The following IKZF5 variants were observed in gnomAD, a reference collection of about 807,000 sequenced individuals.
The protein encoded by IKZF5 is zinc finger protein Pegasus.
Under a neutral mutation model 30.7 loss-of-function variants are expected in IKZF5, and 4 were observed. The observed-to-expected ratio is 0.13, with a 90% CI of 0.06 to 0.30. IKZF5 has a LOEUF of 0.30. Ranked by LOEUF, IKZF5 falls within the 10% of genes least tolerant of loss-of-function variation. The pLI, the probability that IKZF5 is intolerant of heterozygous loss-of-function variation, is 1.00. For synonymous variants in IKZF5, 148 were observed against 179.6 expected (o/e 0.82, Z 1.41); for missense variants, 348 against 525.5 (o/e 0.66, Z 3.30).
intron 1 of IKZF5, among the ~76,000 whole-genome samples, chr10:123,007,950 GACC>G (rs1173366777): frequency 6.6e-6 from 1 of 152,042 alleles, no homozygotes; most frequent in Non-Finnish European, 1.5e-5. Context: ...TTCGGGTTCT[GACC>G]AGCACATCAA....
rs1206431511 is a variant in IKZF5 at position 122,994,897 on chromosome 10, AT to A, written c.317-175del. On this transcript the variant is annotated intron_variant, in intron 4 of 4. Transcript: ENST00000368886. This position sits in a 1 kb window ranked among gnomAD's most constrained non-coding sequence, Gnocchi z 5.6. ...TTTGTAAATAAACCCACAAATTGAA[AT>A]AAAGCTTAAGAACTCATCAGCAACA... The A allele has an allele frequency of 1.2e-5, 7 of 601,866 alleles. No homozygotes were observed. The highest frequency in any genetic ancestry group is 2.0e-5 in the Non-Finnish European group (7 of 347,848). 37.3% of individuals were successfully genotyped at this position (601,866 alleles called of 1,614,324 possible). A position where few individuals can be genotyped will look rare whatever the true frequency, so the allele number is the denominator to read the frequency against.
intron 2 of IKZF5, among the ~76,000 whole-genome samples, chr10:122,999,230 C>T (rs1472694829): frequency 2.0e-5 from 3 of 152,166 alleles, no homozygotes; most frequent in Non-Finnish European, 4.4e-5. Context: ...GCTATTCCTA[C>T]GCAGTTGCTA....
chr10:122,996,267 T>TTA, intron 3 of IKZF5, 91 bp from the exon 4 acceptor site: 3 of 1,104,238 alleles, frequency 2.7e-6, no homozygotes, highest in Non-Finnish European at 3.9e-6. Flanking sequence ...ATCTTATAAA[T>TTA]TGACAGTTCA....
chr10:122,998,389 G>T (rs1278804293), intron 3 of IKZF5, 104 bp downstream of exon 3: 8 of 973,602 alleles, frequency 8.2e-6, no homozygotes, highest in Non-Finnish European at 8.9e-6. Flanking sequence ...AGAAAAAACA[G>T]AATGATTCAC....
In IKZF5 at chr10:122,998,593, G is replaced by A. The variant is rs199959505; in HGVS notation, c.33C>T (p.Phe11=). The change falls in exon 3 of 5, where the codon TTC becomes TTT. Residue 11 remains phenylalanine, a synonymous_variant. Coordinates refer to ENST00000368886, the MANE Select transcript of IKZF5 (RefSeq NM_001372123.1). ...TCAGGTATTCCTGAAAATCTTTCACGAAGTCCAAAGGCTCTGGTTTTTTTT... is the reference window on the plus strand; with the variant it reads ...TCAGGTATTCCTGAAAATCTTTCACAAAGTCCAAAGGCTCTGGTTTTTTTT... MGEKKPEPLD[F]VKDFQEYLTQ... is the part of the protein sequence containing the mutation. 9 of 1,613,646 alleles carry A rather than the reference G, an allele frequency of 5.6e-6. No homozygotes were observed. The highest frequency in any genetic ancestry group is 1.3e-5 in the African/African-American group (1 of 75,008).
At chr10:123,003,602 T>C (rs1849678374) in intron 2 of IKZF5, among the ~76,000 whole-genome samples, 1 of 152,242 alleles carries the variant, frequency 6.6e-6, no homozygotes, top group South Asian at 2.1e-4. Flanking sequence ...ATGTATCACA[T>C]ATGGTAGGCT....
Position 122,995,975 on chromosome 10 carries a change from C to T in IKZF5, c.316+19G>A. ...TCCTGCCCTCACAGAAATGCTTTTT[C>T]CAGCTGTCTTTCCATTACCTGTGTG... On this transcript the variant is annotated intron_variant, in intron 4 of 4. Transcript: ENST00000368886. 2 of 1,609,536 alleles carry T rather than the reference C, an allele frequency of 1.2e-6. No homozygotes were observed. Among genetic ancestry groups the T allele is most frequent in the Non-Finnish European group, 8.5e-7 (1 of 1,178,146 alleles).
chr10:122,999,823 T>C (rs1170748048), intron 2 of IKZF5, among the ~76,000 whole-genome samples: 1 of 152,172 alleles, frequency 6.6e-6, no homozygotes, highest in Non-Finnish European at 1.5e-5. Context: ...ACAAATAAAA[T>C]AGCCAAAAAA....
intron 1 of IKZF5, among the ~76,000 whole-genome samples, chr10:123,007,490 C>A (rs1849840993): frequency 6.6e-6 from 1 of 152,188 alleles, no homozygotes; most frequent in African/African-American, 2.4e-5. Context: ...CATTTAGTCA[C>A]AGCACACTTC....
Position 122,994,436 on chromosome 10 carries a change from G to C in IKZF5, c.604C>G (p.Pro202Ala). Residue 202 changes from proline (P) to alanine (A), a missense_variant, in exon 5 of 5, where the codon CCT (proline) becomes GCT (alanine). Physicochemically the swap from Pro to Ala is conservative, Grantham distance 27. Around this residue, in one of 4 missense-constraint regions of IKZF5, gnomAD observed 176 missense variants for 198.2 expected, o/e 0.89. Transcript: ENST00000368886. This position sits in a 1 kb window ranked among gnomAD's most constrained non-coding sequence, Gnocchi z 5.6. ...TCTGGTTTCTGAACCACCATGGAAG[G>C]TGGACTTAAGTTGATTAGTGCTCTT... is the stretch of plus-strand genomic sequence containing the variant. ...SRRALINLSP[P>A]SMVVQKPDYL... is the part of the protein sequence containing the mutation. 6 of 1,614,128 alleles carry C rather than the reference G, an allele frequency of 3.7e-6. No individual in the cohort carries two copies. Among genetic ancestry groups the C allele is most frequent in the Non-Finnish European group, 5.1e-6 (6 of 1,180,020 alleles).
Position 122,994,771 on chromosome 10 carries a change from A to G in IKZF5, c.317-48T>C. Reference sequence around the variant, plus strand: ...GAGAAACTACAAGAGTAGTTCATTTATGGAAAGTTTTGCTTGTCCATTCAT... The same window carrying G: ...GAGAAACTACAAGAGTAGTTCATTTGTGGAAAGTTTTGCTTGTCCATTCAT... On this transcript the variant is annotated intron_variant, in intron 4 of 4. Transcript: ENST00000368886. This position sits in a 1 kb window ranked among gnomAD's most constrained non-coding sequence, Gnocchi z 5.6. 1.0e-5 allele frequency: 15 copies of G among 1,470,868 alleles called. No individual in the cohort carries two copies. The highest frequency in any genetic ancestry group is 1.4e-5 in the Non-Finnish European group (15 of 1,090,556). The allele number at this position is 1,470,868 out of a possible 1,614,324, so 91.1% of individuals were successfully genotyped here. A position where few individuals can be genotyped will look rare whatever the true frequency, so the allele number is the denominator to read the frequency against.
At chr10:123,003,224 G>C (rs1849658507) in intron 2 of IKZF5, among the ~76,000 whole-genome samples, 1 of 117,968 alleles carries the variant, frequency 8.5e-6, no homozygotes, top group Admixed American at 9.5e-5. Context: ...AGTAGAGAGG[G>C]GGTTTCACCA....
At position 123,002,497 on chromosome 10, in the gene IKZF5, C is replaced by T. The variant is rs1293602394; in HGVS notation, c.-46-3826G>A. On this transcript the variant is annotated intron_variant, in intron 2 of 4. Coordinates refer to ENST00000368886, the MANE Select transcript of IKZF5 (RefSeq NM_001372123.1). Reference sequence around the variant, plus strand: ...ATCGCACCACTGCACTCCAGCCTGGCGACAGAGCAAAATTCTGTCTCCAAA... The same window carrying T: ...ATCGCACCACTGCACTCCAGCCTGGTGACAGAGCAAAATTCTGTCTCCAAA... 2.9e-5 allele frequency among the ~76,000 whole-genome samples: 4 copies of T among 138,698 alleles called. No individual in the cohort carries two copies. In the East Asian group the frequency reaches 6.4e-4, roughly 22 times the overall value. The allele number at this position is 138,698 out of a possible 152,430, so 91.0% of individuals were successfully genotyped here.
rs1216236401 is a variant in IKZF5, at chr10:122,998,557, G to C, written c.69C>G (p.Thr23=). 4 of 1,612,964 alleles carry C rather than the reference G, an allele frequency of 2.5e-6. No individual in the cohort carries two copies. Among genetic ancestry groups the C allele is most frequent in the Non-Finnish European group, 8.5e-7 (1 of 1,179,204 alleles). ...ATCCAGAAATCATGTTCACGTGATG[G>C]GTCTGCTGAGTCAGGTATTCCTGAA... ...KDFQEYLTQQ[T]HHVNMISGSV... Residue 23 remains threonine, a synonymous_variant, in exon 3 of 5, where the codon ACC becomes ACG. Transcript: ENST00000368886.
chr10:122,993,140 T>C lies in IKZF5; in HGVS notation c.*640A>G, dbSNP rs1241213667. 6 of 152,316 alleles carry C rather than the reference T, an allele frequency of 3.9e-5. No individual in the cohort carries two copies. The highest frequency in any genetic ancestry group is 2.1e-4 in the South Asian group (1 of 4,836). 9.4% of individuals were successfully genotyped at this position (152,316 alleles called of 1,614,324 possible). ...TGGAAAACTGACATGTGTTTAGACA[T>C]TGAATAAACAAGTTATTTTAAATAT... is the stretch of plus-strand genomic sequence containing the variant. On this transcript the variant is annotated 3_prime_UTR_variant, in exon 5 of 5. Transcript: ENST00000368886.
chr10:123,005,700 AGTGCCTTGT>A (rs1849755062), intron 2 of IKZF5, among the ~76,000 whole-genome samples: 2 of 152,194 alleles, frequency 1.3e-5, no homozygotes, highest in Non-Finnish European at 2.9e-5. Context: ...AAATGGGATT[AGTGCCTTGT>A]GAAGAGATCC....
chr10:122,996,294 A>T, intron 3 of IKZF5, 118 bp from the exon 4 acceptor site: 3 of 805,990 alleles, frequency 3.7e-6, no homozygotes, highest in Non-Finnish European at 3.9e-6. Context: ...ACAAAAGTTA[A>T]GTCCATTTTA....
At chr10:123,001,014 C>CTTTTT (rs1359372875) in intron 2 of IKZF5, among the ~76,000 whole-genome samples, 1 of 140,914 alleles carries the variant, frequency 7.1e-6, no homozygotes, top group Non-Finnish European at 1.5e-5. Context: ...CTTTTCTTTT[C>CTTTTT]TTTTTTTTTT....
intron 3 of IKZF5, chr10:122,997,571 C>G (rs930730336): frequency 6.6e-6 from 1 of 152,206 alleles, no homozygotes; most frequent in Non-Finnish European, 1.5e-5. Flanking sequence ...CGGGTGATGC[C>G]TGGTCCCTGC....
Sources: gnomAD v4.1 joint callset for allele counts (sites outside exome capture counted in the v4.1 genomes callset) on GRCh38, gnomAD v4.1.1 for gene constraint, gnomAD v4.1.1 regional missense constraint, Gnocchi (gnomAD v3.1) non-coding constraint, MANE v1.5 for transcripts, NCBI Gene and HGNC (gene_info 2026-07-23, HGNC 2026-07-21) for gene names.